CPZ: variants seen among roughly 807,000 people sequenced by gnomAD.
The protein encoded by CPZ is VEZT/CPZ fusion.
In CPZ, 103 loss-of-function variants were observed where a neutral mutation model predicts 61.8. The ratio of observed to expected loss-of-function variants is 1.67; its 90% CI spans 1.42 to 1.96. The LOEUF is 1.96. Among genes scored for constraint, CPZ ranks in the 30% most tolerant of loss-of-function variants. The pLI, the probability that CPZ is intolerant of heterozygous loss-of-function variation, is 0.00. For synonymous variants in CPZ, 551 were observed against 373.7 expected (o/e 1.47, Z -5.47); for missense variants, 1,461 against 914.9 (o/e 1.60, Z -7.70).
chr4:8,611,367 G>C, intron 7 of CPZ: 1 of 436,532 alleles, frequency 2.3e-6, no homozygotes, highest in South Asian at 1.6e-5. Context: ...CTCTGGGCTG[G>C]GAAGGGAAGC....
Position 8,614,453 on chromosome 4 carries a change from A to G in CPZ, c.1458A>G (p.Ile486Met), listed in dbSNP as rs1715990413. The change falls in exon 9 of 11, where the codon ATA (isoleucine) becomes ATG (methionine). Residue 486 changes from isoleucine (I) to methionine (M), a missense_variant. Ile to Met is a conservative substitution (Grantham distance 10, BLOSUM62 1). Transcript: ENST00000360986. ...VKFPPEEALY[I>M]LWQHNKESLL... Reference sequence around the variant, plus strand: ...TCCCCCCCGAGGAGGCCCTGTACATACTCTGGCAGCACAACAAGGAGTCAC... The same window carrying G: ...TCCCCCCCGAGGAGGCCCTGTACATGCTCTGGCAGCACAACAAGGAGTCAC... The G allele has an allele frequency of 8.7e-6, 14 of 1,613,572 alleles. No individual in the cohort carries two copies. Among genetic ancestry groups the G allele is most frequent in the Admixed American group, 1.7e-5 (1 of 59,962 alleles).
At chr4:8,599,518 T>C (rs1335779458) in intron 2 of CPZ, 33 bp downstream of exon 2, 4 of 1,612,388 alleles carry the variant, frequency 2.5e-6, no homozygotes, top group Non-Finnish European at 3.4e-6. Context: ...GCTTCTGTTC[T>C]GTAGGAGGGC....
chr4:8,612,357 C>G (rs1715783953), intron 8 of CPZ, among the ~76,000 whole-genome samples, 195 bp downstream of exon 8: 1 of 96,938 alleles, frequency 1.0e-5, no homozygotes. Flanking sequence ...TGTCGTGTGA[C>G]TGTTGTGGAG....
In CPZ at chr4:8,618,445, A is replaced by G. The variant is rs146874641; in HGVS notation, c.1520A>G (p.Lys507Arg). 1,254 of 1,614,116 alleles carry G rather than the reference A, an allele frequency of 7.8e-4. 2 individuals carry two copies. Among genetic ancestry groups the G allele is most frequent in the Admixed American group, 1.8e-3 (109 of 60,024 alleles). Reference sequence around the variant, plus strand: ...TCTCTTCAGGTGCACCGGGGCATCAAAGGTGTGGTGACAGATAAATTCGGC... The same window carrying G: ...TCTCTTCAGGTGCACCGGGGCATCAGAGGTGTGGTGACAGATAAATTCGGC... ...NFVETVHRGI[K>R]GVVTDKFGKP... The change falls in exon 10 of 11, where the codon AAA becomes AGA. Residue 507 changes from lysine (K) to arginine (R), a missense_variant. Physicochemically the swap from Lys to Arg is conservative, Grantham distance 26 (BLOSUM62 2). Transcript: ENST00000360986.
At chr4:8,604,349 A>G (rs1305792418) in intron 4 of CPZ, among the ~76,000 whole-genome samples, 161 bp downstream of exon 4, 1 of 152,264 alleles carries the variant, frequency 6.6e-6, no homozygotes, top group Non-Finnish European at 1.5e-5. Context: ...GGGCATGTGC[A>G]ACCACTATAT....
chr4:8,616,520 CCTGGGGTA>C (rs1361147811), intron 9 of CPZ, among the ~76,000 whole-genome samples: 3 of 152,152 alleles, frequency 2.0e-5, no homozygotes, highest in African/African-American at 7.2e-5. Context: ...GCCGTGGGGC[CCTGGGGTA>C]GGCCCCCAGT....
Position 8,619,545 on chromosome 4 carries a change from G to T in CPZ, c.1887G>T (p.Gly629=). 1 of 1,566,876 alleles carries T rather than the reference G, an allele frequency of 6.4e-7. No homozygotes were observed. The highest frequency in any genetic ancestry group is 8.7e-7 in the Non-Finnish European group (1 of 1,155,606). Residue 629 remains glycine, a synonymous_variant, in exon 11 of 11, where the codon GGG becomes GGT. Transcript: ENST00000360986. ...CGCGCAGGCAGCCCTCGGCCGACGG[G>T]AGTAAGCCCTGGTGGTGGTCCTACT... ...LRARRQPSAD[G]SKPWWWSYFT... is the part of the protein sequence containing the mutation.
chr4:8,604,272 G>C, intron 4 of CPZ, 84 bp downstream of exon 4: 1 of 1,315,412 alleles, frequency 7.6e-7, no homozygotes, highest in Non-Finnish European at 1.0e-6. Context: ...CAAGTTGGTG[G>C]GGTGTTTGGG....
At chr4:8,614,291 ACCCC>A (rs1280254395) in intron 8 of CPZ, 64 bp from the exon 9 acceptor site, 132 of 1,502,092 alleles carry the variant, frequency 8.8e-5, no homozygotes, top group Middle Eastern at 2.2e-4. Context: ...TGCGGCTGAC[ACCCC>A]TGACGTCCCG....
intron 7 of CPZ, among the ~76,000 whole-genome samples, chr4:8,611,788 C>G (rs928725990): frequency 6.6e-6 from 1 of 151,850 alleles, no homozygotes; most frequent in Non-Finnish European, 1.5e-5. Context: ...ACCCCAGTTA[C>G]CCATGGGACC....
intron 4 of CPZ, 129 bp from the exon 5 acceptor site, chr4:8,605,860 G>A (rs4696703): frequency 0.83 from 739,248 of 887,138 alleles, 309,593 homozygotes; most frequent in East Asian, 0.97. Context: ...ATATACAGAG[G>A]TTCTTGAGTC....
At chr4:8,616,753 G>T (rs1285564186) in intron 9 of CPZ, among the ~76,000 whole-genome samples, 2 of 152,220 alleles carry the variant, frequency 1.3e-5, no homozygotes, top group African/African-American at 4.8e-5. Flanking sequence ...CACCTCTCAT[G>T]CAGGAAAACC....
chr4:8,593,132 G>C (rs1005072860), intron 1 of CPZ, among the ~76,000 whole-genome samples: 2 of 152,188 alleles, frequency 1.3e-5, no homozygotes, highest in African/African-American at 4.8e-5. Flanking sequence ...GCTCTCTACG[G>C]CATCCAGGCC....
At chr4:8,605,968 A>T (rs201606859) in intron 4 of CPZ, 21 bp from the exon 5 acceptor site, 1 of 1,604,388 alleles carries the variant, frequency 6.2e-7, no homozygotes, top group Non-Finnish European at 8.5e-7. Flanking sequence ...TGATGCCCCA[A>T]GTCTCTGTAT....
At chr4:8,607,767 C>G (rs376573767) in intron 7 of CPZ, among the ~76,000 whole-genome samples, 1 of 152,168 alleles carries the variant, frequency 6.6e-6, no homozygotes, top group Non-Finnish European at 1.5e-5. Context: ...TGCTTCCCAC[C>G]GCAGAGGGGT....
At chr4:8,594,343 C>T (rs1714022409) in intron 1 of CPZ, among the ~76,000 whole-genome samples, 1 of 152,218 alleles carries the variant, frequency 6.6e-6, no homozygotes, top group African/African-American at 2.4e-5. Flanking sequence ...CTGGGTCTTG[C>T]TGAGAGCAAG....
At chr4:8,604,644 G>T (rs1383881753) in intron 4 of CPZ, among the ~76,000 whole-genome samples, 18 of 152,120 alleles carry the variant, frequency 1.2e-4, no homozygotes, top group Admixed American at 1.2e-3. Flanking sequence ...ACCACACCAG[G>T]CCAATTTTTG....
intron 7 of CPZ, among the ~76,000 whole-genome samples, chr4:8,610,059 C>G (rs1465151647): frequency 6.6e-6 from 1 of 152,224 alleles, no homozygotes; most frequent in Non-Finnish European, 1.5e-5. Context: ...GCCTGCCAAC[C>G]CCTTTCTGGC....
chr4:8,600,408 G>T (rs1186685470), intron 2 of CPZ, among the ~76,000 whole-genome samples: 1 of 152,216 alleles, frequency 6.6e-6, no homozygotes, highest in Non-Finnish European at 1.5e-5. Flanking sequence ...CTGAGGAAAA[G>T]AGGAGAAGGC....
Sources: allele counts gnomAD v4.1 joint callset (sites outside exome capture counted in the v4.1 genomes callset), GRCh38; gene constraint gnomAD v4.1.1; transcripts MANE v1.5; gene names NCBI Gene and HGNC (gene_info 2026-07-23, HGNC 2026-07-21).